The following TMCC3 variants were observed in gnomAD, a reference collection of about 807,000 sequenced individuals.
The protein encoded by TMCC3 is transmembrane and coiled-coil domain protein 3.
Under a neutral mutation model 40.2 loss-of-function variants are expected in TMCC3, and 28 were observed. The ratio of observed to expected loss-of-function variants is 0.70; its 90% CI spans 0.52 to 0.95. TMCC3 has a LOEUF of 0.95. Among genes scored for constraint, TMCC3 ranks in the 40% least tolerant of loss-of-function variants. TMCC3 has a pLI of 0.00. For missense variants in TMCC3, 554 were observed against 615.2 expected, an observed-to-expected ratio of 0.90 and a Z score of 1.05; for synonymous variants, 255 against 248.5, an observed-to-expected ratio of 1.03 and a Z score of -0.25.
At chr12:94,578,344 A>G (rs1426818535) in intron 3 of TMCC3, 50 bp downstream of exon 3, 1 of 1,579,054 alleles carries the variant, frequency 6.3e-7, no homozygotes, top group Non-Finnish European at 8.6e-7. Flanking sequence ...TAAATGAATT[A>G]AGGCTCGGGA....
intron 1 of TMCC3, among the ~76,000 whole-genome samples, chr12:94,625,788 C>T (rs1448703857): frequency 6.6e-6 from 1 of 152,172 alleles, no homozygotes; most frequent in African/African-American, 2.4e-5. Context: ...CACTACTGTA[C>T]TGACACATGG....
intron 1 of TMCC3, among the ~76,000 whole-genome samples, chr12:94,629,537 G>A (rs928206324): frequency 6.6e-6 from 1 of 152,252 alleles, no homozygotes; most frequent in African/African-American, 2.4e-5. Flanking sequence ...CACCAAGGGT[G>A]ATGGAGGGCA....
intron 1 of TMCC3, among the ~76,000 whole-genome samples, chr12:94,587,773 C>T (rs2068646560): frequency 2.0e-5 from 3 of 152,134 alleles, no homozygotes; most frequent in South Asian, 4.1e-4. Flanking sequence ...ACAATGCTGA[C>T]CTTTGCACCG....
At chr12:94,626,621 T>C (rs919447926) in intron 1 of TMCC3, among the ~76,000 whole-genome samples, 14 of 152,302 alleles carry the variant, frequency 9.2e-5, no homozygotes, top group Non-Finnish European at 1.9e-4. Flanking sequence ...TCTCTACCCA[T>C]TTATTCTGCA....
At chr12:94,619,348 T>C (rs1341653262) in intron 1 of TMCC3, among the ~76,000 whole-genome samples, 2 of 152,236 alleles carry the variant, frequency 1.3e-5, no homozygotes, top group Non-Finnish European at 2.9e-5. Context: ...GATCAGGACC[T>C]GCAACCTATG....
chr12:94,605,394 G>C (rs2068777009), intron 1 of TMCC3, among the ~76,000 whole-genome samples: 1 of 152,170 alleles, frequency 6.6e-6, no homozygotes, highest in Non-Finnish European at 1.5e-5. Flanking sequence ...GGTCACATAA[G>C]AATGGTTCAT....
chr12:94,601,140 C>T (rs915211400), intron 1 of TMCC3, among the ~76,000 whole-genome samples: 14 of 152,252 alleles, frequency 9.2e-5, no homozygotes, highest in Non-Finnish European at 1.2e-4. Context: ...ATTTTCTGGA[C>T]AACTGGATAT....
intron 1 of TMCC3, among the ~76,000 whole-genome samples, chr12:94,629,255 C>T (rs143192107): frequency 3.2e-4 from 48 of 152,240 alleles, no homozygotes; most frequent in African/African-American, 1.1e-3. Context: ...GACATCCCTG[C>T]AGGAGGGTCC....
chr12:94,586,798 G>A (rs1016163325), intron 1 of TMCC3, among the ~76,000 whole-genome samples: 3 of 152,206 alleles, frequency 2.0e-5, no homozygotes, highest in Non-Finnish European at 4.4e-5. Context: ...AATGACTTTT[G>A]GCTTACTTTA....
chr12:94,615,477 G>A (rs2292008), intron 1 of TMCC3, among the ~76,000 whole-genome samples: 58,637 of 152,086 alleles, frequency 0.39, 11,510 homozygotes, highest in Admixed American at 0.46. Flanking sequence ...TCCAGGCAAA[G>A]GCAGGATGAC....
At chr12:94,615,735 C>T (rs1256191465) in intron 1 of TMCC3, among the ~76,000 whole-genome samples, 1 of 152,170 alleles carries the variant, frequency 6.6e-6, no homozygotes, top group African/African-American at 2.4e-5. Flanking sequence ...GGCGTTTAGG[C>T]AGTTTAAGTA....
rs187246412 is a variant in TMCC3 at position 94,645,927 on chromosome 12, C to A, written c.78+4426G>T. On this transcript the variant is annotated intron_variant, in intron 1 of 3. Transcript: ENST00000261226. Reference sequence around the variant, plus strand: ...ACATCTATTGATTTCTTATTGTGCACCCGGCATGGAGTTAAACATTTTATA... The same window carrying A: ...ACATCTATTGATTTCTTATTGTGCAACCGGCATGGAGTTAAACATTTTATA... Among the ~76,000 whole-genome samples the A allele has an allele frequency of 8.0e-4, 121 of 152,178 alleles. 1 individual carries two copies. The Middle Eastern group carries it at 0.01, about 13-fold the overall frequency.
At chr12:94,633,012 AG>A (rs2138877862) in intron 1 of TMCC3, among the ~76,000 whole-genome samples, 1 of 152,298 alleles carries the variant, frequency 6.6e-6, no homozygotes, top group South Asian at 2.1e-4. Flanking sequence ...AGGCTGAGGC[AG>A]GAGAATCACT....
chr12:94,647,205 G>A (rs1161166618), intron 1 of TMCC3, among the ~76,000 whole-genome samples: 1 of 152,136 alleles, frequency 6.6e-6, no homozygotes, highest in East Asian at 1.9e-4. Context: ...CAAAGATGAA[G>A]TTTTAAAATG....
chr12:94,588,666 G>C (rs1370855816), intron 1 of TMCC3, among the ~76,000 whole-genome samples: 2 of 152,144 alleles, frequency 1.3e-5, no homozygotes, highest in Non-Finnish European at 2.9e-5. Flanking sequence ...CGTGGCCTTG[G>C]TATGTAAGTC....
At chr12:94,609,641 G>A (rs2068803486) in intron 1 of TMCC3, 1 of 152,148 alleles carries the variant, frequency 6.6e-6, no homozygotes, top group African/African-American at 2.4e-5. Flanking sequence ...TATCAGGTAA[G>A]ATAACTTCAG....
chr12:94,625,028 C>A (rs1388451639), intron 1 of TMCC3, among the ~76,000 whole-genome samples: 1 of 150,038 alleles, frequency 6.7e-6, no homozygotes, highest in Non-Finnish European at 1.5e-5. Flanking sequence ...TCCCTCCTTG[C>A]CTACTGGGGA....
intron 1 of TMCC3, among the ~76,000 whole-genome samples, chr12:94,635,382 G>A (rs1013324119): frequency 6.6e-6 from 1 of 152,162 alleles, no homozygotes; most frequent in South Asian, 2.1e-4. Context: ...TGCGAGCTGC[G>A]ATGGTGTGTC....
chr12:94,625,600 A>AG (rs2068900453), intron 1 of TMCC3, among the ~76,000 whole-genome samples: 1 of 151,838 alleles, frequency 6.6e-6, no homozygotes, highest in African/African-American at 2.4e-5. Flanking sequence ...TCTCAAAAAA[A>AG]AAAAAAAAAA....
Sources: gnomAD v4.1 joint callset for allele counts (sites outside exome capture counted in the v4.1 genomes callset) on GRCh38, gnomAD v4.1.1 for gene constraint, MANE v1.5 for transcripts, NCBI Gene and HGNC (gene_info 2026-07-23, HGNC 2026-07-21) for gene names.